IQGAP2: variants seen among roughly 807,000 people sequenced by gnomAD.
IQGAP2 encodes IQ motif containing GTPase activating protein 2, also known as ras GTPase-activating-like protein IQGAP2.
A neutral mutation model predicts 201.3 loss-of-function variants in IQGAP2; 173 were observed. The observed-to-expected ratio is 0.86, with a 90% confidence interval of 0.76 to 0.98. The LOEUF (loss-of-function observed/expected upper bound fraction) is 0.98. Ranked by LOEUF, IQGAP2 falls within the 50% of genes least tolerant of loss-of-function variation. IQGAP2 has a pLI of 0.00. For synonymous variants in IQGAP2, 675 were observed against 673.9 expected (o/e 1.00, Z -0.03); for missense variants, 1,687 against 1,864.8 (o/e 0.90, Z 1.76).
At chr5:76,450,592 A>G (rs937516689) in intron 1 of IQGAP2, among the ~76,000 whole-genome samples, 14 of 152,204 alleles carry the variant, frequency 9.2e-5, no homozygotes, top group Non-Finnish European at 2.1e-4. Flanking sequence ...TTTATGTGGT[A>G]GCACTTTATA....
chr5:76,508,161 T>A (rs1475786135), intron 2 of IQGAP2, among the ~76,000 whole-genome samples: 1 of 142,158 alleles, frequency 7.0e-6, no homozygotes, highest in East Asian at 2.2e-4. Flanking sequence ...CAAAACCCCA[T>A]CTCAACTAAA....
chr5:76,425,996 G>A (rs941786559), intron 1 of IQGAP2, among the ~76,000 whole-genome samples: 3 of 152,182 alleles, frequency 2.0e-5, no homozygotes, highest in Non-Finnish European at 4.4e-5. Flanking sequence ...GTCTGTGCCA[G>A]TATCCTCAGT....
chr5:76,441,628 C>A, intron 1 of IQGAP2: 1 of 463,228 alleles, frequency 2.2e-6, no homozygotes, highest in Non-Finnish European at 2.8e-6. Flanking sequence ...TGTTCCCATT[C>A]GAGCACTACC....
intron 2 of IQGAP2, among the ~76,000 whole-genome samples, chr5:76,463,916 C>T (rs1754631046): frequency 1.3e-5 from 2 of 151,180 alleles, no homozygotes; most frequent in Non-Finnish European, 2.9e-5. Context: ...GGCGGGATCT[C>T]AGCTCACTGC....
intron 31 of IQGAP2, among the ~76,000 whole-genome samples, chr5:76,694,318 AC>A (rs1427316069): frequency 1.3e-5 from 2 of 152,126 alleles, no homozygotes; most frequent in Non-Finnish European, 2.9e-5. Flanking sequence ...TTCAAATCAC[AC>A]GTTTGTTAAT....
chr5:76,557,240 C>T (rs904533518), intron 2 of IQGAP2, among the ~76,000 whole-genome samples: 31 of 152,310 alleles, frequency 2.0e-4, no homozygotes, highest in African/African-American at 7.2e-4. Context: ...GCTGGGTAGC[C>T]TTAGCCTTTT....
intron 32 of IQGAP2, 82 bp downstream of exon 32, chr5:76,695,748 T>C: frequency 9.4e-7 from 1 of 1,068,470 alleles, no homozygotes; most frequent in South Asian, 1.4e-5. Flanking sequence ...CTCTGTGAGG[T>C]GGCATTAGGG....
intron 2 of IQGAP2, among the ~76,000 whole-genome samples, chr5:76,538,407 C>T (rs575162720): frequency 4.6e-5 from 7 of 152,298 alleles, no homozygotes; most frequent in African/African-American, 1.4e-4. Flanking sequence ...GCTGCTGCCA[C>T]GTACTCTTCC....
intron 9 of IQGAP2, among the ~76,000 whole-genome samples, chr5:76,593,541 A>C (rs1308235143): frequency 6.6e-6 from 1 of 152,186 alleles, no homozygotes; most frequent in Non-Finnish European, 1.5e-5. Context: ...TCAGGTAATT[A>C]AAATAAGCGT....
chr5:76,451,126 A>G (rs951635868), intron 1 of IQGAP2, among the ~76,000 whole-genome samples: 1 of 152,160 alleles, frequency 6.6e-6, no homozygotes. Context: ...CCTTAATTGA[A>G]CAAGCTTGTC....
intron 16 of IQGAP2, among the ~76,000 whole-genome samples, chr5:76,637,731 T>C (rs1751260310): frequency 6.6e-6 from 1 of 152,224 alleles, no homozygotes; most frequent in East Asian, 1.9e-4. Flanking sequence ...TCTTAGCATG[T>C]TTTCATTGCT....
At chr5:76,412,140 G>A (rs561895810) in intron 1 of IQGAP2, among the ~76,000 whole-genome samples, 128 of 152,222 alleles carry the variant, frequency 8.4e-4, no homozygotes, top group Middle Eastern at 3.4e-3. Context: ...GTGCACCCAG[G>A]TCATTCCCAA....
chr5:76,681,034 A>T (rs1745236766), intron 28 of IQGAP2, among the ~76,000 whole-genome samples: 1 of 127,254 alleles, frequency 7.9e-6, no homozygotes, highest in African/African-American at 2.9e-5. Flanking sequence ...TGAGCCTGGG[A>T]GGTGGAGCTT....
intron 9 of IQGAP2, among the ~76,000 whole-genome samples, chr5:76,594,237 T>A (rs749670754): frequency 2.0e-5 from 3 of 152,246 alleles, no homozygotes; most frequent in Non-Finnish European, 4.4e-5. Context: ...AGGAAATTAA[T>A]GTTGCCAGTG....
chr5:76,405,152 A>T (rs1750726603), intron 1 of IQGAP2, among the ~76,000 whole-genome samples: 1 of 152,264 alleles, frequency 6.6e-6, no homozygotes, highest in Non-Finnish European at 1.5e-5. Context: ...TGAGCAATAA[A>T]TAGTGCAAAA....
At chr5:76,681,711 T>C (rs1188784465) in intron 28 of IQGAP2, among the ~76,000 whole-genome samples, 1 of 152,004 alleles carries the variant, frequency 6.6e-6, no homozygotes, top group Non-Finnish European at 1.5e-5. Flanking sequence ...AAATTAAACA[T>C]AGAATTACCT....
intron 1 of IQGAP2, among the ~76,000 whole-genome samples, chr5:76,409,111 A>C (rs974384580): frequency 2.5e-5 from 3 of 122,378 alleles, no homozygotes; most frequent in African/African-American, 8.0e-5. Context: ...TCTCTAAAAC[A>C]AACAAACAAA....
At chr5:76,461,545 A>G in intron 1 of IQGAP2, 25 bp from the exon 2 acceptor site, 1 of 1,543,270 alleles carries the variant, frequency 6.5e-7, no homozygotes. Context: ...TTTGTAAATC[A>G]CATGTTGTTA....
chr5:76,625,985 T>C (rs964170483), intron 13 of IQGAP2, among the ~76,000 whole-genome samples: 5 of 152,242 alleles, frequency 3.3e-5, no homozygotes, highest in African/African-American at 1.2e-4. Context: ...TACCTGGAAG[T>C]TCCACTTAAT....
Sources: gnomAD v4.1 joint callset for allele counts (sites outside exome capture counted in the v4.1 genomes callset) on GRCh38, gnomAD v4.1.1 for gene constraint, MANE v1.5 for transcripts, NCBI Gene and HGNC (gene_info 2026-07-23, HGNC 2026-07-21) for gene names.